Variants in TBC1D19 observed in about 807,000 individuals in gnomAD.
The protein encoded by TBC1D19 is TBC1 domain family, member 19.
In TBC1D19, 60 loss-of-function variants were observed where a neutral mutation model predicts 89.0. The ratio of observed to expected loss-of-function variants is 0.67; its 90% confidence interval spans 0.55 to 0.84. The LOEUF (loss-of-function observed/expected upper bound fraction) is 0.84, where lower values mean the gene tolerates loss of function less well. TBC1D19 is among the 40% of genes least tolerant of loss of function. The pLI is 0.00. For missense variants in TBC1D19, 500 were observed against 610.8 expected (o/e 0.82, Z 1.91); for synonymous variants, 189 against 199.7 (o/e 0.95, Z 0.45).
the TBC1D19 span, among the ~76,000 whole-genome samples, chr4:26,856,460 C>T: frequency 6.6e-6 from 1 of 152,150 alleles, no homozygotes; most frequent in African/African-American, 2.4e-5. Flanking sequence ...ATCTCATTGA[C>T]ATACTGATTT....
intron 4 of TBC1D19, among the ~76,000 whole-genome samples, chr4:26,628,229 C>T (rs1282453631): frequency 6.6e-6 from 1 of 152,128 alleles, no homozygotes; most frequent in Non-Finnish European, 1.5e-5. Context: ...GGGCCCTGTT[C>T]TGTTCCATCG....
chr4:26,766,150 T>C, the TBC1D19 span, among the ~76,000 whole-genome samples: 1 of 152,150 alleles, frequency 6.6e-6, no homozygotes, highest in East Asian at 1.9e-4. Flanking sequence ...GAGTATTTCA[T>C]GTGTGAGAGC....
chr4:26,809,659 A>G, the TBC1D19 span, among the ~76,000 whole-genome samples: 3 of 152,160 alleles, frequency 2.0e-5, no homozygotes, highest in Admixed American at 2.0e-4. Flanking sequence ...ATGGCTGAGC[A>G]GCTCAGCTGA....
chr4:26,652,623 A>C (rs1402901127), intron 7 of TBC1D19, among the ~76,000 whole-genome samples: 1 of 152,098 alleles, frequency 6.6e-6, no homozygotes, highest in Non-Finnish European at 1.5e-5. Flanking sequence ...GAATTTATCC[A>C]TTTCTTCTAG....
At chr4:26,700,856 C>G (rs189195795) in intron 13 of TBC1D19, among the ~76,000 whole-genome samples, 56 of 152,272 alleles carry the variant, frequency 3.7e-4, no homozygotes, top group Admixed American at 2.3e-3. Flanking sequence ...GCCACCCCTG[C>G]TTTTAATCCA....
chr4:26,830,703 C>T, the TBC1D19 span, among the ~76,000 whole-genome samples: 1 of 152,102 alleles, frequency 6.6e-6, no homozygotes. Context: ...TTTAAGGCTT[C>T]GTGTTTTATA....
chr4:26,579,257 C>T (rs79715682), upstream of TBC1D19, among the ~76,000 whole-genome samples: 2,844 of 152,184 alleles, frequency 0.019, 96 homozygotes, highest in African/African-American at 0.065. Context: ...TTGGACATCA[C>T]GGCAGAAGAA....
intron 9 of TBC1D19, among the ~76,000 whole-genome samples, chr4:26,671,653 G>A (rs897029993): frequency 1.3e-5 from 2 of 151,718 alleles, no homozygotes; most frequent in African/African-American, 4.8e-5. Flanking sequence ...TAGCAGTAAG[G>A]CTTTTATTAG....
intron 13 of TBC1D19, among the ~76,000 whole-genome samples, chr4:26,711,157 G>C (rs1716161131): frequency 6.6e-6 from 1 of 152,046 alleles, no homozygotes; most frequent in East Asian, 1.9e-4. Flanking sequence ...TACGGTTTTA[G>C]GTCTCACATT....
chr4:26,796,903 T>C, the TBC1D19 span, among the ~76,000 whole-genome samples: 2 of 152,178 alleles, frequency 1.3e-5, no homozygotes, highest in African/African-American at 2.4e-5. Flanking sequence ...TGTTCTAAAA[T>C]TGAATTGCAA....
chr4:26,636,597 G>T (rs926770220), intron 4 of TBC1D19, among the ~76,000 whole-genome samples: 2 of 151,344 alleles, frequency 1.3e-5, no homozygotes, highest in African/African-American at 4.8e-5. Flanking sequence ...ATGGATCCCA[G>T]ATTTTAAAAA....
At chr4:26,845,266 C>A in the TBC1D19 span, among the ~76,000 whole-genome samples, 89 of 152,110 alleles carry the variant, frequency 5.9e-4, no homozygotes, top group Admixed American at 4.1e-3. Context: ...TGATAAACAT[C>A]TTTACTTAAA....
the TBC1D19 span, among the ~76,000 whole-genome samples, chr4:26,851,304 C>CCTCTCTATCTATCTATCTATCTGT: frequency 6.8e-6 from 1 of 146,974 alleles, no homozygotes; most frequent in Admixed American, 6.8e-5. Flanking sequence ...TAATAAATAC[C>CCTCTCTATCTATCTATCTATCTGT]CTATCTATCT....
At chr4:26,661,899 A>G (rs1452191556) in intron 8 of TBC1D19, among the ~76,000 whole-genome samples, 1 of 152,196 alleles carries the variant, frequency 6.6e-6, no homozygotes, top group African/African-American at 2.4e-5. Context: ...GAAGTCTCAT[A>G]CACAATAGGA....
At chr4:26,578,995 G>GCTA (rs1314128791) in intron 1 of TBC1D19, among the ~76,000 whole-genome samples, 1 of 152,030 alleles carries the variant, frequency 6.6e-6, no homozygotes, top group African/African-American at 2.4e-5. Context: ...CATGTAATCT[G>GCTA]CTACTCATAG....
chr4:26,845,305 C>G, the TBC1D19 span, among the ~76,000 whole-genome samples: 1 of 152,060 alleles, frequency 6.6e-6, no homozygotes, highest in Non-Finnish European at 1.5e-5. Context: ...AGAGTCATTT[C>G]AAAAAGTGTA....
chr4:26,851,347 A>ATCTGTCTGTCTG, the TBC1D19 span, among the ~76,000 whole-genome samples: 1 of 148,390 alleles, frequency 6.7e-6, no homozygotes, highest in African/African-American at 2.6e-5. Flanking sequence ...CTATCTATCT[A>ATCTGTCTGTCTG]TCTATCTATC....
intron 1 of TBC1D19, among the ~76,000 whole-genome samples, chr4:26,610,839 A>G (rs1287792793): frequency 3.3e-5 from 5 of 152,022 alleles, no homozygotes; most frequent in Admixed American, 2.6e-4. Flanking sequence ...TTCTTTATCC[A>G]GTCTACTGTT....
chr4:26,742,177 A>G (rs1018669583), intron 17 of TBC1D19, among the ~76,000 whole-genome samples: 3 of 152,230 alleles, frequency 2.0e-5, no homozygotes, highest in Non-Finnish European at 4.4e-5. Context: ...CTAAGTAATC[A>G]TAGTGGCTTG....
Sources: allele counts gnomAD v4.1 joint callset (sites outside exome capture counted in the v4.1 genomes callset), GRCh38; gene constraint gnomAD v4.1.1; transcripts MANE v1.5; gene names NCBI Gene and HGNC (gene_info 2026-07-23, HGNC 2026-07-21).